OPCML: variants seen among roughly 807,000 people sequenced by gnomAD.
OPCML encodes opioid binding protein/cell adhesion molecule like, also known as opioid-binding protein/cell adhesion molecule.
OPCML carries 13 observed loss-of-function variants against 37.8 expected under a neutral mutation model. The ratio of observed to expected loss-of-function variants is 0.34; its 90% CI spans 0.22 to 0.55. The LOEUF is 0.55. OPCML is among the 20% of genes least tolerant of loss of function. The pLI is 0.91. For synonymous variants in OPCML, 176 were observed against 168.8 expected (o/e 1.04, Z -0.33); for missense variants, 341 against 435.6 (o/e 0.78, Z 1.93).
intron 1 of OPCML, among the ~76,000 whole-genome samples, chr11:133,257,156 G>T (rs1352220018): frequency 6.6e-6 from 1 of 152,202 alleles, no homozygotes; most frequent in Non-Finnish European, 1.5e-5. Context: ...AACTGTTAAA[G>T]TAAAGAGTTT....
intron 1 of OPCML, among the ~76,000 whole-genome samples, chr11:133,148,791 C>G (rs535700993): frequency 6.6e-6 from 1 of 152,282 alleles, no homozygotes; most frequent in African/African-American, 2.4e-5. Context: ...AACTCAGATT[C>G]TGACTCTGAG....
At chr11:132,657,472 CTAAATA>C in intron 2 of OPCML, 153 bp from the exon 3 acceptor site, 1 of 965,612 alleles carries the variant, frequency 1.0e-6, no homozygotes, top group East Asian at 1.1e-4. Context: ...ATGAAACTTC[CTAAATA>C]TAAACTAAGA....
chr11:132,964,292 G>A (rs544569696), intron 1 of OPCML, among the ~76,000 whole-genome samples: 1 of 152,330 alleles, frequency 6.6e-6, no homozygotes, highest in South Asian at 2.1e-4. Flanking sequence ...TACAAGCCTG[G>A]TGTGCAGTCT....
At chr11:132,860,741 C>G (rs567765761) in intron 2 of OPCML, 1 of 152,248 alleles carries the variant, frequency 6.6e-6, no homozygotes, top group Admixed American at 6.5e-5. Flanking sequence ...CTTGGGGACA[C>G]CAGAAAAGCT....
chr11:132,875,181 C>A (rs1942963059), intron 2 of OPCML, among the ~76,000 whole-genome samples: 1 of 152,084 alleles, frequency 6.6e-6, no homozygotes, highest in Non-Finnish European at 1.5e-5. Context: ...TTACAATGAA[C>A]TCATGCTACA....
intron 2 of OPCML, among the ~76,000 whole-genome samples, chr11:132,842,425 G>A (rs867990025): frequency 5.9e-5 from 9 of 152,124 alleles, no homozygotes; most frequent in East Asian, 1.9e-4. Flanking sequence ...AGCAATATTC[G>A]CAGTAGCTTA....
At chr11:132,733,779 TG>T (rs776490390) in intron 2 of OPCML, among the ~76,000 whole-genome samples, 2 of 151,916 alleles carry the variant, frequency 1.3e-5, no homozygotes, top group Non-Finnish European at 2.9e-5. Context: ...AGAGATGAGA[TG>T]AGCTGGGTAA....
At chr11:133,002,689 T>C (rs1028208492) in intron 1 of OPCML, among the ~76,000 whole-genome samples, 1 of 151,294 alleles carries the variant, frequency 6.6e-6, no homozygotes, top group African/African-American at 2.4e-5. Flanking sequence ...CTATAGATAA[T>C]ATATGTGTGG....
intron 1 of OPCML, among the ~76,000 whole-genome samples, chr11:133,152,506 A>G (rs1311214079): frequency 6.6e-6 from 1 of 151,856 alleles, no homozygotes; most frequent in Non-Finnish European, 1.5e-5. Flanking sequence ...ACCTCTTGCA[A>G]TGCCCACCCT....
chr11:133,063,515 C>T (rs1296096721), intron 1 of OPCML, among the ~76,000 whole-genome samples: 2 of 151,748 alleles, frequency 1.3e-5, no homozygotes, highest in African/African-American at 2.4e-5. Context: ...ATTAATCTGC[C>T]GCAAGGTTTT....
chr11:133,292,362 G>C (rs535884585), intron 1 of OPCML, among the ~76,000 whole-genome samples: 1 of 152,202 alleles, frequency 6.6e-6, no homozygotes, highest in Non-Finnish European at 1.5e-5. Flanking sequence ...AAATCTTCTA[G>C]GGGTTCAACA....
At position 133,141,044 on chromosome 11, in the gene OPCML, AC is replaced by A. The variant is rs1949808919; in HGVS notation, c.62-198035del. ...GACGACGACGACGACGACGACGACG[AC>A]GACGAAGAAGAAGAAGAAGAAGAAG... On this transcript the variant is annotated intron_variant, in intron 1 of 7. Transcript: ENST00000524381. 2.5e-4 allele frequency among the ~76,000 whole-genome samples: 8 copies of A among 32,084 alleles called. 1 individual carries two copies. The highest frequency in any genetic ancestry group is 2.9e-4 in the African/African-American group (5 of 17,342). 21.0% of individuals were successfully genotyped at this position (32,084 alleles called of 152,430 possible). A position where few individuals can be genotyped will look rare whatever the true frequency, so the allele number is the denominator to read the frequency against.
rs371543002 is a variant in OPCML, at chr11:133,156,829, C to T, written c.62-213819G>A. On this transcript the variant is annotated intron_variant, in intron 1 of 7. Transcript: ENST00000524381. ...GCAAGCAGAACAAAAAGTAGAGTTTCGTTTTGTTGTTGCTGTAAATGAATT... is the reference window on the plus strand; with the variant it reads ...GCAAGCAGAACAAAAAGTAGAGTTTTGTTTTGTTGTTGCTGTAAATGAATT... 2.4e-3 allele frequency among the ~76,000 whole-genome samples: 360 copies of T among 152,148 alleles called. 3 individuals are homozygous for T. The highest frequency in any genetic ancestry group is 7.9e-3 in the African/African-American group (326 of 41,512).
chr11:133,301,602 T>G (rs1279228138), intron 1 of OPCML: 1 of 152,204 alleles, frequency 6.6e-6, no homozygotes, highest in African/African-American at 2.4e-5. Flanking sequence ...CTTGGCTTTA[T>G]TTCAGAAGAA....
At chr11:132,784,593 C>G (rs548313321) in intron 2 of OPCML, among the ~76,000 whole-genome samples, 21 of 152,118 alleles carry the variant, frequency 1.4e-4, no homozygotes, top group African/African-American at 5.1e-4. Flanking sequence ...TTGTCCCCCC[C>G]ACCCCAATCT....
At chr11:133,139,939 C>A in intron 1 of OPCML, among the ~76,000 whole-genome samples, 1 of 152,106 alleles carries the variant, frequency 6.6e-6, no homozygotes, top group African/African-American at 2.4e-5. Flanking sequence ...GTAATCCTAG[C>A]ACTTTGGGAG....
chr11:132,799,886 T>C (rs914074038), intron 2 of OPCML, among the ~76,000 whole-genome samples: 1 of 152,214 alleles, frequency 6.6e-6, no homozygotes. Flanking sequence ...TAGTCACTTG[T>C]AAAGTTCATT....
intron 1 of OPCML, among the ~76,000 whole-genome samples, chr11:133,137,130 G>T (rs1000158392): frequency 6.6e-6 from 1 of 152,126 alleles, no homozygotes; most frequent in East Asian, 1.9e-4. Context: ...CTTGTGGAAA[G>T]GTTCTGGGAA....
At chr11:133,414,414 A>G (rs1204600360) in intron 1 of OPCML, among the ~76,000 whole-genome samples, 2 of 152,162 alleles carry the variant, frequency 1.3e-5, no homozygotes, top group African/African-American at 4.8e-5. Context: ...CTAGGGGAAA[A>G]TAACCCACGC....
Sources: allele counts gnomAD v4.1 joint callset (sites outside exome capture counted in the v4.1 genomes callset), GRCh38; gene constraint gnomAD v4.1.1; transcripts MANE v1.5; gene names NCBI Gene and HGNC (gene_info 2026-07-23, HGNC 2026-07-21).